Variants in MALRD1 observed in about 807,000 individuals in gnomAD.
MALRD1 encodes the protein MAM and LDL-receptor class A domain-containing protein 1.
Under a neutral mutation model 242.1 loss-of-function variants are expected in MALRD1, and 247 were observed. The observed-to-expected ratio is 1.02, with a 90% CI of 0.92 to 1.13. MALRD1 has a LOEUF of 1.13. Among genes scored for constraint, MALRD1 ranks in the 50% most tolerant of loss-of-function variants. The pLI is 0.00. For synonymous variants in MALRD1, 995 were observed against 866.6 expected, an observed-to-expected ratio of 1.15 and a Z score of -2.60; for missense variants, 2,989 against 2,533.1, an observed-to-expected ratio of 1.18 and a Z score of -3.86.
intron 14 of MALRD1, among the ~76,000 whole-genome samples, chr10:19,183,563 T>A (rs1473542633): frequency 6.6e-6 from 1 of 152,212 alleles, no homozygotes; most frequent in African/African-American, 2.4e-5. Context: ...TTTCTCACTT[T>A]CACAACCATC....
chr10:19,171,352 T>G (rs1465573421), intron 13 of MALRD1, among the ~76,000 whole-genome samples: 2 of 150,146 alleles, frequency 1.3e-5, no homozygotes, highest in East Asian at 2.0e-4. Context: ...GTGACCTCTT[T>G]CTCACTTACT....
intron 18 of MALRD1, among the ~76,000 whole-genome samples, chr10:19,246,791 G>T (rs940623786): frequency 6.6e-6 from 1 of 152,102 alleles, no homozygotes; most frequent in Non-Finnish European, 1.5e-5. Context: ...TAATTTGTCA[G>T]AATTGAATAC....
intron 21 of MALRD1, among the ~76,000 whole-genome samples, chr10:19,306,163 T>A (rs1842183549): frequency 7.8e-6 from 1 of 127,804 alleles, no homozygotes; most frequent in Non-Finnish European, 1.6e-5. Context: ...TATACACACA[T>A]ACTATACAGA....
At chr10:19,140,780 G>A (rs1285897686) in intron 10 of MALRD1, among the ~76,000 whole-genome samples, 1 of 152,130 alleles carries the variant, frequency 6.6e-6, no homozygotes, top group Non-Finnish European at 1.5e-5. Context: ...CAGTTGTCCA[G>A]GGCTGAGGCC....
intron 27 of MALRD1, among the ~76,000 whole-genome samples, chr10:19,388,293 TG>T (rs1366419292): frequency 1.3e-5 from 2 of 152,158 alleles, no homozygotes; most frequent in East Asian, 3.9e-4. Context: ...TCATAAGAAC[TG>T]GGGTTAGAAC....
chr10:19,304,437 T>C (rs1446713378), intron 21 of MALRD1, among the ~76,000 whole-genome samples: 1 of 151,760 alleles, frequency 6.6e-6, no homozygotes, highest in Non-Finnish European at 1.5e-5. Context: ...GATTCTTGAC[T>C]AATATAGCAT....
At chr10:19,290,074 A>C (rs1352080723) in intron 21 of MALRD1, 1 of 152,188 alleles carries the variant, frequency 6.6e-6, no homozygotes, top group East Asian at 1.9e-4. Context: ...TATGTAGGGA[A>C]ATTTTCACTG....
At chr10:19,472,143 C>T (rs533843885) in intron 29 of MALRD1, among the ~76,000 whole-genome samples, 3 of 152,068 alleles carry the variant, frequency 2.0e-5, no homozygotes, top group Non-Finnish European at 2.9e-5. Context: ...TGCTTTTTCT[C>T]CATCTATTGA....
At chr10:19,608,054 A>G (rs1361711813) in intron 35 of MALRD1, among the ~76,000 whole-genome samples, 152 bp downstream of exon 35, 3 of 152,280 alleles carry the variant, frequency 2.0e-5, no homozygotes, top group African/African-American at 4.8e-5. Flanking sequence ...GAATGTTGAC[A>G]TTAATTGCCA....
intron 30 of MALRD1, among the ~76,000 whole-genome samples, chr10:19,496,101 G>A (rs193000424): frequency 2.1e-3 from 319 of 152,226 alleles, no homozygotes; most frequent in African/African-American, 6.3e-3. Context: ...AAGAGACTTA[G>A]ACTCCCAAAC....
chr10:19,284,094 G>C (rs1210040132), intron 21 of MALRD1, among the ~76,000 whole-genome samples: 4 of 152,166 alleles, frequency 2.6e-5, no homozygotes, highest in Non-Finnish European at 5.9e-5. Context: ...AGACCAGCAT[G>C]GCTGGGGTGG....
At chr10:19,122,914 C>T (rs1012064163) in intron 5 of MALRD1, among the ~76,000 whole-genome samples, 2 of 152,164 alleles carry the variant, frequency 1.3e-5, no homozygotes, top group Non-Finnish European at 1.5e-5. Flanking sequence ...TTAATAGAGA[C>T]GGGGTTTCAC....
chr10:19,722,042 A>T (rs1340508908), intron 38 of MALRD1: 1 of 152,234 alleles, frequency 6.6e-6, no homozygotes, highest in Non-Finnish European at 1.5e-5. Context: ...AGTGGACTTC[A>T]TTTCATCACT....
chr10:19,100,873 T>C (rs1223236049), intron 4 of MALRD1, among the ~76,000 whole-genome samples: 2 of 152,104 alleles, frequency 1.3e-5, no homozygotes, highest in Non-Finnish European at 2.9e-5. Flanking sequence ...TTTTTTAAAC[T>C]ATGGTGACTG....
chr10:19,583,895 T>C (rs1837256877), intron 33 of MALRD1, among the ~76,000 whole-genome samples: 1 of 152,214 alleles, frequency 6.6e-6, no homozygotes, highest in Non-Finnish European at 1.5e-5. Flanking sequence ...ATTGCCACAA[T>C]TTCAGCTCCT....
In MALRD1 at chr10:19,146,225, C is replaced by T. The variant is rs150497176; in HGVS notation, c.1439C>T (p.Ser480Leu). The T allele has an allele frequency of 1.1e-5, 13 of 1,231,462 alleles. No homozygotes were observed. In the South Asian group the frequency reaches 2.5e-4, roughly 23 times the overall value. 76.3% of individuals were successfully genotyped at this position (1,231,462 alleles called of 1,614,324 possible). ...AAGCATCTCACCTGTGACTTTGAGT[C>T]GGGTTTCTGCGGTTGGGAGCCATTT... ...CSKHLTCDFESGFCGWEPFLT... is the reference protein window; with the variant it reads ...CSKHLTCDFELGFCGWEPFLT... Residue 480 changes from serine to leucine, a missense_variant, in exon 11 of 40, where the codon TCG (serine) becomes TTG (leucine). Transcript: ENST00000454679.
chr10:19,423,811 A>G (rs750342339), intron 28 of MALRD1, among the ~76,000 whole-genome samples: 2 of 152,200 alleles, frequency 1.3e-5, no homozygotes, highest in Non-Finnish European at 2.9e-5. Flanking sequence ...AAGAACAGCC[A>G]GGATGCAGCA....
rs201776553 is a variant in MALRD1 at position 19,329,421 on chromosome 10, C to A, written c.3687+1748C>A. Among the ~76,000 whole-genome samples the A allele has an allele frequency of 8.0e-3, 1,210 of 151,674 alleles. 8 individuals are homozygous for A. The highest frequency in any genetic ancestry group is 0.019 in the African/African-American group (786 of 41,372). The stretch of plus-strand genomic sequence containing the variant: ...TATAATTTTATTTGGGACCCCCCCC[C>A]AATTTAAACAAAATATTTAATTACA... On this transcript the variant is annotated intron_variant, in intron 23 of 39. Transcript: ENST00000454679.
chr10:19,408,662 A>G (rs940694278), intron 28 of MALRD1, among the ~76,000 whole-genome samples: 3 of 152,252 alleles, frequency 2.0e-5, no homozygotes, highest in South Asian at 2.1e-4. Flanking sequence ...AAACAAAAAC[A>G]TGAAAAGGTT....
Sources: gnomAD v4.1 joint callset for allele counts (sites outside exome capture counted in the v4.1 genomes callset) on GRCh38, gnomAD v4.1.1 for gene constraint, MANE v1.5 for transcripts, NCBI Gene and HGNC (gene_info 2026-07-23, HGNC 2026-07-21) for gene names.